Variants in ZNF827 observed in about 807,000 individuals in gnomAD.
ZNF827 encodes the protein zinc finger protein 827.
ZNF827 carries 13 observed loss-of-function variants against 102.4 expected under a neutral mutation model. The ratio of observed to expected loss-of-function variants is 0.13; its 90% CI spans 0.08 to 0.20. The LOEUF (loss-of-function observed/expected upper bound fraction) is 0.20. Ranked by LOEUF, ZNF827 falls within the 10% of genes least tolerant of loss-of-function variation. ZNF827 has a pLI of 1.00. For synonymous variants in ZNF827, 523 were observed against 536.2 expected (o/e 0.98, Z 0.34); for missense variants, 1,103 against 1,344.4 (o/e 0.82, Z 2.81).
chr4:145,919,944 A>G (rs1173552453), intron 1 of ZNF827, among the ~76,000 whole-genome samples: 1 of 152,248 alleles, frequency 6.6e-6, no homozygotes, highest in Non-Finnish European at 1.5e-5. Flanking sequence ...TTGGAACCAG[A>G]CACTCCCACT....
At chr4:145,904,715 C>CGT (rs138520333) in intron 1 of ZNF827, among the ~76,000 whole-genome samples, 30 of 151,728 alleles carry the variant, frequency 2.0e-4, no homozygotes, top group Non-Finnish European at 3.1e-4. Flanking sequence ...TGTGTATGCA[C>CGT]GTGTGTGTGT....
At chr4:145,840,385 G>C (rs1187255044) in intron 7 of ZNF827, among the ~76,000 whole-genome samples, 1 of 152,208 alleles carries the variant, frequency 6.6e-6, no homozygotes, top group African/African-American at 2.4e-5. Flanking sequence ...TGTACTAAGG[G>C]AGGGAGTCTT....
chr4:145,850,078 G>A (rs1579369869), intron 5 of ZNF827, among the ~76,000 whole-genome samples: 1 of 151,312 alleles, frequency 6.6e-6, no homozygotes, highest in East Asian at 1.9e-4. Flanking sequence ...GGTGCGATGT[G>A]GGCTCACTGC....
chr4:145,830,958 T>C (rs1744150076), intron 7 of ZNF827: 1 of 152,260 alleles, frequency 6.6e-6, no homozygotes, highest in Non-Finnish European at 1.5e-5. Context: ...GATATTAACA[T>C]GTTACGTATA....
At chr4:145,804,229 G>C (rs573422064) in intron 8 of ZNF827, among the ~76,000 whole-genome samples, 2 of 152,296 alleles carry the variant, frequency 1.3e-5, no homozygotes, top group Non-Finnish European at 2.9e-5. Context: ...CCACTCCAGT[G>C]AATTTTGAAG....
chr4:145,919,510 C>T (rs1167116137), intron 1 of ZNF827, among the ~76,000 whole-genome samples: 2 of 152,196 alleles, frequency 1.3e-5, no homozygotes, highest in Non-Finnish European at 2.9e-5. Context: ...ACTCAGAGAC[C>T]TGGTTCCACT....
rs532786145 is a variant in ZNF827 at position 145,814,077 on chromosome 4, T to C, written c.2383+9345A>G. Among the ~76,000 whole-genome samples the C allele has an allele frequency of 1.1e-4, 17 of 152,298 alleles. No homozygotes were observed. The East Asian group carries it at 1.7e-3, about 16-fold the overall frequency. On this transcript the variant is annotated intron_variant, in intron 8 of 14. Coordinates refer to ENST00000508784, the MANE Select transcript of ZNF827 (RefSeq NM_001306215.2). ...AACCCCAAATCCGAAATGCTCAGAA[T>C]TCGAAGCTTTTTGAGCACCAGCATC...
In ZNF827 at chr4:145,763,361, A is replaced by T. The variant is rs925825162; in HGVS notation, c.3231-239T>A. ...CTCTCTCAGGCAAATTAATTCTCTG[A>T]TATGGCAAAGGAAACAAAACAAAAC... is the stretch of plus-strand genomic sequence containing the variant. On this transcript the variant is annotated intron_variant, in intron 13 of 14. Coordinates refer to ENST00000508784, the MANE Select transcript of ZNF827 (RefSeq NM_001306215.2). This position sits in a 1 kb window ranked among gnomAD's most constrained non-coding sequence, Gnocchi z 4.6. Among the ~76,000 whole-genome samples the T allele has an allele frequency of 6.6e-6, 1 of 152,252 alleles. No homozygotes were observed. The highest frequency in any genetic ancestry group is 1.5e-5 in the Non-Finnish European group (1 of 68,044).
At chr4:145,808,459 A>T (rs2126366379) in intron 8 of ZNF827, among the ~76,000 whole-genome samples, 1 of 152,290 alleles carries the variant, frequency 6.6e-6, no homozygotes, top group South Asian at 2.1e-4. Context: ...GAAGCAACTC[A>T]TTTGAGTGAC....
intron 5 of ZNF827, among the ~76,000 whole-genome samples, chr4:145,865,890 A>AACT (rs1381875538): frequency 2.0e-5 from 3 of 152,180 alleles, no homozygotes; most frequent in Non-Finnish European, 4.4e-5. Flanking sequence ...GTCCCAGTTA[A>AACT]AGCCAAGACA....
At chr4:145,937,093 T>C (rs1185627264) in intron 1 of ZNF827, among the ~76,000 whole-genome samples, 1 of 152,150 alleles carries the variant, frequency 6.6e-6, no homozygotes, top group East Asian at 1.9e-4. Flanking sequence ...TCCTTCACTT[T>C]TAGCTTTAGC....
chr4:145,869,222 T>C (rs911942239), intron 5 of ZNF827, among the ~76,000 whole-genome samples: 14 of 152,242 alleles, frequency 9.2e-5, no homozygotes, highest in Non-Finnish European at 1.6e-4. Flanking sequence ...AACTGGTAAG[T>C]ACAGGAATTT....
intron 7 of ZNF827, among the ~76,000 whole-genome samples, chr4:145,833,888 C>T (rs1744534488): frequency 6.6e-6 from 1 of 151,910 alleles, no homozygotes; most frequent in African/African-American, 2.4e-5. Context: ...AACCTCTTAT[C>T]TCTGTGCCCC....
In ZNF827 at chr4:145,902,886, G is replaced by A. The variant is rs771386798; in HGVS notation, c.373C>T (p.Arg125Trp). 20 of 1,613,982 alleles carry A rather than the reference G, an allele frequency of 1.2e-5. No homozygotes were observed. The highest frequency in any genetic ancestry group is 8.3e-5 in the Admixed American group (5 of 60,002). ...TTGAGGGAACCAGCCTCCAGCAGCC[G>A]CCTCAAATTGCTGCTCAGGGGCTTG... ...SNKPLSSNLRRLLEAGSLKLD... is the reference protein window; with the variant it reads ...SNKPLSSNLRWLLEAGSLKLD... Residue 125 changes from arginine to tryptophan, a missense_variant, in exon 2 of 15, where the codon CGG (arginine) becomes TGG (tryptophan). Arg to Trp is a moderately radical substitution (Grantham distance 101, BLOSUM62 -3). This residue lies in a region of ZNF827 where 441 missense variants were observed against 458.6 expected (regional missense o/e 0.96). Transcript: ENST00000508784. This position sits in a 1 kb window ranked among gnomAD's most constrained non-coding sequence, Gnocchi z 4.3.
chr4:145,831,166 G>C (rs1028001240), intron 7 of ZNF827: 5 of 152,176 alleles, frequency 3.3e-5, no homozygotes, highest in African/African-American at 1.2e-4. Context: ...GGAATGTGGG[G>C]GTGGACAAGA....
At chr4:145,789,920 C>T (rs1739436769) in intron 8 of ZNF827, among the ~76,000 whole-genome samples, 1 of 152,242 alleles carries the variant, frequency 6.6e-6, no homozygotes, top group Admixed American at 6.5e-5. Context: ...TGCCTCTTTT[C>T]TGTTACCCAA....
chr4:145,863,994 G>A (rs1229722968), intron 5 of ZNF827, among the ~76,000 whole-genome samples: 1 of 152,012 alleles, frequency 6.6e-6, no homozygotes, highest in East Asian at 1.9e-4. Flanking sequence ...AGATGTTCGA[G>A]ACCAGCCTAG....
At chr4:145,828,439 A>G (rs1007375328) in intron 7 of ZNF827, among the ~76,000 whole-genome samples, 2 of 152,160 alleles carry the variant, frequency 1.3e-5, no homozygotes, top group African/African-American at 4.8e-5. Context: ...ACTTATTTTC[A>G]CTCAACAAAA....
intron 4 of ZNF827, among the ~76,000 whole-genome samples, chr4:145,879,714 C>T (rs745989338): frequency 1.1e-4 from 16 of 152,242 alleles, no homozygotes; most frequent in Non-Finnish European, 1.8e-4. Flanking sequence ...TCTTACTGCT[C>T]TATTTGTACT....
Sources: allele counts gnomAD v4.1 joint callset (sites outside exome capture counted in the v4.1 genomes callset), GRCh38; gene constraint gnomAD v4.1.1; regional missense constraint gnomAD v4.1.1; non-coding constraint Gnocchi (gnomAD v3.1); transcripts MANE v1.5; gene names NCBI Gene and HGNC (gene_info 2026-07-23, HGNC 2026-07-21).